Variants in NOX4 observed in about 807,000 individuals in gnomAD.
NOX4 encodes the protein NADPH oxidase 4.
NOX4 carries 69 observed loss-of-function variants against 87.6 expected under a neutral mutation model. That is an observed-to-expected ratio of 0.79 (90% confidence interval 0.65 to 0.96). The LOEUF is 0.96. Ranked by LOEUF, NOX4 falls within the 40% of genes least tolerant of loss-of-function variation. The pLI is 0.00. For synonymous variants in NOX4, 275 were observed against 238.2 expected (o/e 1.15, Z -1.42); for missense variants, 680 against 681.5 (o/e 1.00, Z 0.02).
chr11:89,392,602 T>A (rs1395872792), intron 11 of NOX4, among the ~76,000 whole-genome samples: 1 of 152,206 alleles, frequency 6.6e-6, no homozygotes, highest in Non-Finnish European at 1.5e-5. Flanking sequence ...CATGAGGCTA[T>A]CCTCATGTCA....
intron 5 of NOX4, among the ~76,000 whole-genome samples, chr11:89,441,443 G>A (rs1189828812): frequency 6.6e-6 from 1 of 152,018 alleles, no homozygotes; most frequent in Non-Finnish European, 1.5e-5. Context: ...ATTTCTTTCT[G>A]TGTGCCTCCA....
At chr11:89,484,997 A>C (rs918915429) in intron 2 of NOX4, among the ~76,000 whole-genome samples, 1 of 152,148 alleles carries the variant, frequency 6.6e-6, no homozygotes, top group Non-Finnish European at 1.5e-5. Flanking sequence ...TGCCCAGGCC[A>C]GCTGTGAAAC....
the NOX4 span, among the ~76,000 whole-genome samples, chr11:89,566,428 C>A: frequency 6.6e-6 from 1 of 152,106 alleles, no homozygotes; most frequent in Non-Finnish European, 1.5e-5. Context: ...GAAAATATTT[C>A]TAAGTTTTTC....
chr11:89,472,061 G>A (rs1945967588), intron 2 of NOX4, among the ~76,000 whole-genome samples: 1 of 152,070 alleles, frequency 6.6e-6, no homozygotes, highest in Admixed American at 6.6e-5. Flanking sequence ...TAACTGTTTT[G>A]ATAAGGTTAT....
At chr11:89,404,891 G>A (rs1222618843) in intron 8 of NOX4, among the ~76,000 whole-genome samples, 2 of 152,004 alleles carry the variant, frequency 1.3e-5, no homozygotes, top group East Asian at 1.9e-4. Flanking sequence ...CAAGGTAAGT[G>A]TTTTTATTTA....
the NOX4 span, among the ~76,000 whole-genome samples, chr11:89,587,532 G>A: frequency 6.6e-6 from 1 of 152,002 alleles, no homozygotes; most frequent in African/African-American, 2.4e-5. Flanking sequence ...AACTACCAGG[G>A]CATAGAGGTG....
rs751595082 is a variant in NOX4, at chr11:89,422,016, T to C, written c.549-34A>G. 1.1e-5 allele frequency: 12 copies of C among 1,095,470 alleles called. No homozygotes were observed. In the South Asian group the frequency reaches 1.2e-4, roughly 11 times the overall value. 67.9% of individuals were successfully genotyped at this position (1,095,470 alleles called of 1,614,324 possible). A position where few individuals can be genotyped will look rare whatever the true frequency, so the allele number is the denominator to read the frequency against. ...ACAAATACACTCATTTTAATGCTAC[T>C]TTACATTCCATCTTACTAAAAATAT... On this transcript the variant is annotated intron_variant, in intron 7 of 17. Transcript: ENST00000263317.
At chr11:89,475,481 C>T (rs995180862) in intron 2 of NOX4, among the ~76,000 whole-genome samples, 2 of 151,884 alleles carry the variant, frequency 1.3e-5, no homozygotes, top group African/African-American at 4.8e-5. Flanking sequence ...TATGTTCATA[C>T]TGGAAAATGC....
chr11:89,327,664 C>T (rs1046364004), intron 17 of NOX4, among the ~76,000 whole-genome samples: 26 of 152,156 alleles, frequency 1.7e-4, no homozygotes, highest in African/African-American at 6.0e-4. Context: ...CATCTCATAT[C>T]TTGGGAAAAT....
chr11:89,407,532 A>T (rs1942253926), intron 8 of NOX4, among the ~76,000 whole-genome samples: 1 of 152,032 alleles, frequency 6.6e-6, no homozygotes, highest in African/African-American at 2.4e-5. Flanking sequence ...ATTCAAAAGG[A>T]TCTTAACATG....
intron 11 of NOX4, among the ~76,000 whole-genome samples, chr11:89,390,243 T>C (rs1223726302): frequency 6.6e-6 from 1 of 152,150 alleles, no homozygotes; most frequent in African/African-American, 2.4e-5. Flanking sequence ...CCTACTCAAA[T>C]TCATTTCTAG....
the NOX4 span, among the ~76,000 whole-genome samples, chr11:89,556,067 CA>C: frequency 6.6e-6 from 1 of 152,120 alleles, no homozygotes; most frequent in African/African-American, 2.4e-5. Flanking sequence ...TGGCCAAGAA[CA>C]GGGTAGACAG....
intron 6 of NOX4, among the ~76,000 whole-genome samples, chr11:89,439,482 G>C (rs977720008): frequency 5.3e-5 from 8 of 152,050 alleles, no homozygotes; most frequent in African/African-American, 1.9e-4. Flanking sequence ...GACATGGATG[G>C]GGAAAGCACT....
intron 2 of NOX4, among the ~76,000 whole-genome samples, chr11:89,467,833 T>TTATTC (rs1945773609): frequency 6.6e-6 from 1 of 152,202 alleles, no homozygotes; most frequent in Non-Finnish European, 1.5e-5. Context: ...TTGGCGATGA[T>TTATTC]TATTCTCAAT....
At chr11:89,376,989 C>T (rs61903452) in intron 11 of NOX4, among the ~76,000 whole-genome samples, 8,905 of 152,160 alleles carry the variant, frequency 0.059, 341 homozygotes, top group Non-Finnish European at 0.082. Context: ...ATTCAGGCGG[C>T]AGAGGTTGCA....
chr11:89,413,474 TAAC>T (rs1262995617), intron 8 of NOX4, among the ~76,000 whole-genome samples: 1 of 152,158 alleles, frequency 6.6e-6, no homozygotes, highest in Non-Finnish European at 1.5e-5. Context: ...GTGCTACATA[TAAC>T]AACGGTGTAC....
chr11:89,557,962 CTGACATTTG>C, the NOX4 span, among the ~76,000 whole-genome samples: 8 of 152,020 alleles, frequency 5.3e-5, no homozygotes, highest in Non-Finnish European at 1.2e-4. Flanking sequence ...GGGAAGGAAA[CTGACATTTG>C]TGACAGGGTT....
chr11:89,507,861 G>C, the NOX4 span, among the ~76,000 whole-genome samples: 5 of 151,310 alleles, frequency 3.3e-5, no homozygotes, highest in East Asian at 9.8e-4. Context: ...CTTTAAAAAC[G>C]TAAGAATTTC....
chr11:89,535,289 C>G, the NOX4 span, among the ~76,000 whole-genome samples: 4 of 152,174 alleles, frequency 2.6e-5, no homozygotes, highest in African/African-American at 9.7e-5. Context: ...ATAATTTTAA[C>G]TAATCATCCA....
Sources: gnomAD v4.1 joint callset for allele counts (sites outside exome capture counted in the v4.1 genomes callset) on GRCh38, gnomAD v4.1.1 for gene constraint, MANE v1.5 for transcripts, NCBI Gene and HGNC (gene_info 2026-07-23, HGNC 2026-07-21) for gene names.